The following DENND4C variants were observed in gnomAD, a reference collection of about 807,000 sequenced individuals.
DENND4C encodes DENN domain containing 4C.
DENND4C carries 108 observed loss-of-function variants against 203.0 expected under a neutral mutation model. The observed-to-expected ratio is 0.53, with a 90% CI of 0.46 to 0.62. DENND4C has a LOEUF of 0.62. Ranked by LOEUF, DENND4C falls within the 20% of genes least tolerant of loss-of-function variation. The pLI, the probability that DENND4C is intolerant of heterozygous loss-of-function variation, is 0.00. For synonymous variants in DENND4C, 871 were observed against 792.4 expected, an observed-to-expected ratio of 1.10 and a Z score of -1.67; for missense variants, 2,481 against 2,301.2, an observed-to-expected ratio of 1.08 and a Z score of -1.60.
intron 2 of DENND4C, among the ~76,000 whole-genome samples, chr9:19,282,694 C>G (rs1040765963): frequency 8.3e-5 from 11 of 133,294 alleles, no homozygotes; most frequent in East Asian, 2.3e-4. Context: ...TTTTGTTTTT[C>G]TTTTTCTTTT....
chr9:19,272,247 C>T (rs1183073632), intron 1 of DENND4C, among the ~76,000 whole-genome samples: 4 of 151,750 alleles, frequency 2.6e-5, no homozygotes, highest in African/African-American at 9.7e-5. Context: ...TGGGGAAAGC[C>T]TGGTCTCTAC....
chr9:19,315,019 G>A, intron 10 of DENND4C, among the ~76,000 whole-genome samples: 1 of 151,948 alleles, frequency 6.6e-6, no homozygotes, highest in East Asian at 1.9e-4. Context: ...AATTAGCTGG[G>A]CGTGATGGCG....
chr9:19,350,791 G>C lies in DENND4C; in HGVS notation c.4407G>C (p.Gly1469=), dbSNP rs1823941829. ...TATCGCCTAACACAAGTATCTCAGG[G>C]TTGGTCCCCAGTGAACTTACCCAGA... ...ENISPNTSIS[G]LVPSELTQSN... The change falls in exon 24 of 33, where the codon GGG becomes GGC. Residue 1469 remains glycine, a synonymous_variant. Transcript: ENST00000434457. 1 of 1,614,100 alleles carries C rather than the reference G, an allele frequency of 6.2e-7. No individual in the cohort carries two copies. The highest frequency in any genetic ancestry group is 8.5e-7 in the Non-Finnish European group (1 of 1,180,036).
At chr9:19,371,166 C>T (rs1237638248) in intron 31 of DENND4C, among the ~76,000 whole-genome samples, 1 of 152,134 alleles carries the variant, frequency 6.6e-6, no homozygotes, top group Non-Finnish European at 1.5e-5. Context: ...GTTTTCCTGT[C>T]ATCTTTAACA....
In DENND4C at chr9:19,342,798, G is replaced by T. The variant is rs1038872806; in HGVS notation, c.3151+19G>T. 6 of 1,550,032 alleles carry T rather than the reference G, an allele frequency of 3.9e-6. No individual in the cohort carries two copies. Among genetic ancestry groups the T allele is most frequent in the Non-Finnish European group, 5.2e-6 (6 of 1,151,958 alleles). ...AGCACTGGTGAGTCTTTACATTTTG[G>T]TTATTAAATATTTAAAATATACTTT... is the stretch of plus-strand genomic sequence containing the variant. On this transcript the variant is annotated intron_variant, in intron 22 of 32. Coordinates refer to ENST00000434457, the MANE Select transcript of DENND4C (RefSeq NM_001330640.2).
chr9:19,246,763 G>C (rs1300338431), intron 1 of DENND4C, among the ~76,000 whole-genome samples: 2 of 151,594 alleles, frequency 1.3e-5, no homozygotes, highest in African/African-American at 4.9e-5. Flanking sequence ...ATCTAGACCT[G>C]CACATCCCCT....
chr9:19,338,596 G>A (rs1820980655), intron 20 of DENND4C, among the ~76,000 whole-genome samples: 4 of 152,118 alleles, frequency 2.6e-5, no homozygotes, highest in African/African-American at 9.7e-5. Flanking sequence ...CAGCCCAGGT[G>A]CTTAAGTTGC....
At chr9:19,329,226 C>T (rs547829952) in intron 16 of DENND4C, among the ~76,000 whole-genome samples, 1 of 152,006 alleles carries the variant, frequency 6.6e-6, no homozygotes, top group African/African-American at 2.4e-5. Context: ...CCCCAATTCT[C>T]AATCCCCAGC....
Position 19,326,939 on chromosome 9 carries a change from G to A in DENND4C, c.2120+745G>A, listed in dbSNP as rs188860454. ...TTTAACTAGCCTCATGGATTTGTTT[G>A]TAGTTCTTTGCTATCTATATCTTTG... On this transcript the variant is annotated intron_variant, in intron 15 of 32. Transcript: ENST00000434457. Among the ~76,000 whole-genome samples the A allele has an allele frequency of 3.9e-5, 6 of 152,132 alleles. No individual in the cohort carries two copies. The East Asian group carries it at 1.2e-3, about 29-fold the overall frequency.
rs766099128 is a variant in DENND4C, at chr9:19,350,795, G to A, written c.4411G>A (p.Val1471Ile). 1.9e-6 allele frequency: 3 copies of A among 1,614,052 alleles called. No individual in the cohort carries two copies. Among genetic ancestry groups the A allele is most frequent in the Admixed American group, 3.3e-5 (2 of 60,016 alleles). The part of the protein sequence containing the change: ...ISPNTSISGL[V>I]PSELTQSNTS... Reference sequence around the variant, plus strand: ...GCCTAACACAAGTATCTCAGGGTTGGTCCCCAGTGAACTTACCCAGAGCAA... The same window carrying A: ...GCCTAACACAAGTATCTCAGGGTTGATCCCCAGTGAACTTACCCAGAGCAA... Residue 1471 changes from valine to isoleucine, a missense_variant, in exon 24 of 33, where the codon GTC (valine) becomes ATC (isoleucine). Physicochemically the swap from Val to Ile is conservative, Grantham distance 29. Transcript: ENST00000434457.
At position 19,305,477 on chromosome 9, in the gene DENND4C, C is replaced by A. The variant is rs770818546; in HGVS notation, c.1437C>A (p.Asp479Glu). The A allele has an allele frequency of 9.4e-5, 152 of 1,613,604 alleles. No homozygotes were observed. The highest frequency in any genetic ancestry group is 1.3e-4 in the Non-Finnish European group (148 of 1,179,950). The stretch of plus-strand genomic sequence containing the variant: ...ACTCAAGGTATTTTGATCTTCATGA[C>A]CCACCACAAGATGTTGTTTGCATTG... The part of the protein sequence containing the change: ...GVDSRYFDLH[D>E]PPQDVVCIDL... The change falls in exon 10 of 33, where the codon GAC (aspartate) becomes GAA (glutamate). Residue 479 changes from aspartate (D) to glutamate (E), a missense_variant. Asp to Glu is a conservative substitution (Grantham distance 45). This residue lies in a region of DENND4C where 2,289 missense variants were observed against 2,113.3 expected (regional missense o/e 1.08). Transcript: ENST00000434457.
At chr9:19,345,871 A>C (rs1822781656) in intron 22 of DENND4C, 50 bp from the exon 23 acceptor site, 3 of 1,439,916 alleles carry the variant, frequency 2.1e-6, no homozygotes, top group South Asian at 2.7e-5. Flanking sequence ...TTTTAATAAA[A>C]GTTAACTTGG....
At chr9:19,317,153 A>G (rs1021023698) in intron 12 of DENND4C, among the ~76,000 whole-genome samples, 4 of 147,166 alleles carry the variant, frequency 2.7e-5, no homozygotes, top group Non-Finnish European at 6.0e-5. Context: ...TATTTCCTCA[A>G]TTTTGCATAG....
At chr9:19,333,172 G>A (rs1021319761) in intron 17 of DENND4C, among the ~76,000 whole-genome samples, 1 of 151,690 alleles carries the variant, frequency 6.6e-6, no homozygotes, top group Non-Finnish European at 1.5e-5. Flanking sequence ...ACACCACCAC[G>A]TCTAATTTTT....
chr9:19,312,399 G>C (rs1465279513), intron 10 of DENND4C, among the ~76,000 whole-genome samples: 1 of 152,086 alleles, frequency 6.6e-6, no homozygotes, highest in African/African-American at 2.4e-5. Flanking sequence ...CACCATGCCC[G>C]GCTACAAATT....
intron 1 of DENND4C, among the ~76,000 whole-genome samples, chr9:19,253,115 C>A (rs904818585): frequency 6.6e-6 from 1 of 152,158 alleles, no homozygotes; most frequent in African/African-American, 2.4e-5. Context: ...TGCCTTCTTA[C>A]GTAGTGTTGT....
intron 12 of DENND4C, among the ~76,000 whole-genome samples, 167 bp from the exon 13 acceptor site, chr9:19,324,195 A>C (rs1843341863): frequency 6.6e-6 from 1 of 152,122 alleles, no homozygotes; most frequent in Non-Finnish European, 1.5e-5. Flanking sequence ...TTTGGTCCCA[A>C]GCATTTCAGA....
At chr9:19,296,895 T>C (rs1837582886) in intron 6 of DENND4C, among the ~76,000 whole-genome samples, 1 of 152,228 alleles carries the variant, frequency 6.6e-6, no homozygotes, top group Non-Finnish European at 1.5e-5. Context: ...TCTAAAGTGA[T>C]GTAGAAATTA....
At chr9:19,364,232 T>A (rs1203748862) in intron 30 of DENND4C, among the ~76,000 whole-genome samples, 3 of 151,976 alleles carry the variant, frequency 2.0e-5, no homozygotes, top group African/African-American at 7.2e-5. Flanking sequence ...CTTGTAACTG[T>A]CAGGTTGGCA....
Sources: gnomAD v4.1 joint callset for allele counts (sites outside exome capture counted in the v4.1 genomes callset) on GRCh38, gnomAD v4.1.1 for gene constraint, gnomAD v4.1.1 regional missense constraint, MANE v1.5 for transcripts, NCBI Gene and HGNC (gene_info 2026-07-23, HGNC 2026-07-21) for gene names.